FGF14: variants seen among roughly 807,000 people sequenced by gnomAD.
FGF14 encodes fibroblast growth factor 14, also known as fibroblast growth factor homologous factor 4.
Under a neutral mutation model 25.5 loss-of-function variants are expected in FGF14, and 5 were observed. The observed-to-expected ratio is 0.20, with a 90% confidence interval of 0.10 to 0.41. The LOEUF is 0.41. Among genes scored for constraint, FGF14 ranks in the 10% least tolerant of loss-of-function variants. The pLI is 1.00. For synonymous variants in FGF14, 138 were observed against 118.3 expected (o/e 1.17, Z -1.08); for missense variants, 222 against 320.1 (o/e 0.69, Z 2.34).
intron 1 of FGF14, among the ~76,000 whole-genome samples, chr13:101,915,380 C>T (rs1332001893): frequency 6.6e-6 from 1 of 152,180 alleles, no homozygotes; most frequent in African/African-American, 2.4e-5. Flanking sequence ...CAGCTGGGAG[C>T]CGACAATGTA....
At chr13:102,203,821 T>C (rs565946466) in intron 1 of FGF14, among the ~76,000 whole-genome samples, 71 of 152,320 alleles carry the variant, frequency 4.7e-4, no homozygotes, top group African/African-American at 1.7e-3. Flanking sequence ...TACAATTTAA[T>C]GTGATGAGAC....
intron 1 of FGF14, among the ~76,000 whole-genome samples, chr13:102,056,032 C>T (rs1255360038): frequency 2.0e-5 from 3 of 152,174 alleles, no homozygotes; most frequent in African/African-American, 7.2e-5. Flanking sequence ...CAATTATCTC[C>T]CACTGGGTCC....
At chr13:102,021,607 CA>C (rs1453790137) in intron 1 of FGF14, among the ~76,000 whole-genome samples, 2 of 151,886 alleles carry the variant, frequency 1.3e-5, no homozygotes, top group African/African-American at 4.8e-5. Context: ...GGACAATCAG[CA>C]AAAGATATGG....
chr13:101,875,739 A>G (rs1187048375), intron 1 of FGF14, among the ~76,000 whole-genome samples: 1 of 152,124 alleles, frequency 6.6e-6, no homozygotes, highest in Non-Finnish European at 1.5e-5. Context: ...CCCAAAATTA[A>G]AAACAAACAA....
chr13:102,261,828 T>C (rs1187444042), intron 1 of FGF14, among the ~76,000 whole-genome samples: 1 of 152,196 alleles, frequency 6.6e-6, no homozygotes, highest in Non-Finnish European at 1.5e-5. Flanking sequence ...GGGTACCCAG[T>C]AGGTTTTGTT....
At chr13:101,820,770 A>ATATTAAACTGC (rs2042080304) in intron 3 of FGF14, among the ~76,000 whole-genome samples, 4 of 133,358 alleles carry the variant, frequency 3.0e-5, no homozygotes, top group East Asian at 2.0e-4. Context: ...ACACACACAC[A>ATATTAAACTGC]CCACACACCA....
At chr13:102,114,425 C>T (rs1387880204) in intron 1 of FGF14, among the ~76,000 whole-genome samples, 2 of 152,100 alleles carry the variant, frequency 1.3e-5, no homozygotes, top group African/African-American at 4.8e-5. Context: ...TGTAGTCCCA[C>T]GGTTTATTTT....
chr13:102,263,145 T>G (rs1594630979), intron 1 of FGF14: 1 of 602,212 alleles, frequency 1.7e-6, no homozygotes, highest in East Asian at 4.0e-5. Context: ...TGATTTTGCT[T>G]TTGTTTCTTG....
chr13:102,334,723 GCTTT>G (rs1229457398), intron 1 of FGF14, among the ~76,000 whole-genome samples: 21 of 152,138 alleles, frequency 1.4e-4, no homozygotes, highest in Non-Finnish European at 1.5e-4. Flanking sequence ...AAATAATTTG[GCTTT>G]CTAAGATGTT....
chr13:101,982,861 G>A (rs1003951535), intron 1 of FGF14, among the ~76,000 whole-genome samples: 7 of 152,158 alleles, frequency 4.6e-5, no homozygotes, highest in Admixed American at 3.3e-4. Context: ...TTAGGCTTCC[G>A]GCAAACAGAT....
At chr13:102,223,898 T>C (rs1389403385) in intron 1 of FGF14, among the ~76,000 whole-genome samples, 1 of 152,128 alleles carries the variant, frequency 6.6e-6, no homozygotes, top group Non-Finnish European at 1.5e-5. Flanking sequence ...ATTATTATAT[T>C]AATCTTTTTT....
At chr13:102,337,455 G>T (rs1392839975) in intron 1 of FGF14, among the ~76,000 whole-genome samples, 1 of 152,148 alleles carries the variant, frequency 6.6e-6, no homozygotes, top group Non-Finnish European at 1.5e-5. Context: ...GATGAGCAAA[G>T]AAAGTGTTTT....
chr13:101,772,043 G>A (rs930561718), intron 3 of FGF14, among the ~76,000 whole-genome samples: 1 of 151,956 alleles, frequency 6.6e-6, no homozygotes, highest in Non-Finnish European at 1.5e-5. Flanking sequence ...GAAAGAAAAG[G>A]CATTGTTGAA....
intron 1 of FGF14, among the ~76,000 whole-genome samples, chr13:102,333,001 T>G (rs141204480): frequency 1.1e-3 from 169 of 152,306 alleles, no homozygotes; most frequent in African/African-American, 3.9e-3. Flanking sequence ...GATCACAACA[T>G]AGAACTCTTA....
At chr13:102,233,219 C>A (rs2051163973) in intron 1 of FGF14, among the ~76,000 whole-genome samples, 1 of 152,140 alleles carries the variant, frequency 6.6e-6, no homozygotes, top group Non-Finnish European at 1.5e-5. Context: ...ACTGCAACCT[C>A]CGCCTCCTGG....
At chr13:102,351,907 T>C (rs2057290970) in intron 1 of FGF14, among the ~76,000 whole-genome samples, 1 of 152,202 alleles carries the variant, frequency 6.6e-6, no homozygotes, top group African/African-American at 2.4e-5. Flanking sequence ...ATCCAGCCCA[T>C]GCTGAAGGGA....
chr13:102,244,161 A>C (rs932150144), intron 1 of FGF14, among the ~76,000 whole-genome samples: 9 of 152,076 alleles, frequency 5.9e-5, no homozygotes, highest in African/African-American at 2.2e-4. Flanking sequence ...TAAAATTTAA[A>C]CTGGTACTTA....
intron 1 of FGF14, among the ~76,000 whole-genome samples, chr13:102,333,913 C>T (rs2056711858): frequency 6.6e-6 from 1 of 152,118 alleles, no homozygotes. Context: ...GAGGAGGGAG[C>T]CATTGATTTA....
intron 1 of FGF14, among the ~76,000 whole-genome samples, chr13:102,392,339 A>T (rs2058451819): frequency 6.6e-6 from 1 of 152,250 alleles, no homozygotes; most frequent in Non-Finnish European, 1.5e-5. Flanking sequence ...CAAACTGAAC[A>T]AAGTATTGTG....
Sources: allele counts gnomAD v4.1 joint callset (sites outside exome capture counted in the v4.1 genomes callset), GRCh38; gene constraint gnomAD v4.1.1; transcripts MANE v1.5; gene names NCBI Gene and HGNC (gene_info 2026-07-23, HGNC 2026-07-21).